The following LDB2 variants were observed in gnomAD, a reference collection of about 807,000 sequenced individuals.
LDB2 encodes the protein LIM domain binding 2, also known as LIM domain-binding protein 2.
A neutral mutation model predicts 44.3 loss-of-function variants in LDB2; 12 were observed. The ratio of observed to expected loss-of-function variants is 0.27; its 90% CI spans 0.17 to 0.44. The LOEUF (loss-of-function observed/expected upper bound fraction) is 0.44. Among genes scored for constraint, LDB2 ranks in the 20% least tolerant of loss-of-function variants. The pLI is 1.00. For synonymous variants in LDB2, 164 were observed against 174.8 expected (o/e 0.94, Z 0.49); for missense variants, 344 against 473.5 (o/e 0.73, Z 2.54).
At chr4:16,813,902 G>T (rs565178050) in intron 1 of LDB2, among the ~76,000 whole-genome samples, 2 of 149,548 alleles carry the variant, frequency 1.3e-5, no homozygotes, top group East Asian at 2.0e-4. Flanking sequence ...AGAGGAGTCT[G>T]GCTCTGTCGC....
At chr4:16,634,954 T>C (rs1166862419) in intron 2 of LDB2, among the ~76,000 whole-genome samples, 2 of 152,176 alleles carry the variant, frequency 1.3e-5, no homozygotes, top group Non-Finnish European at 2.9e-5. Context: ...TGGAATACTA[T>C]GCAGCCATAA....
intron 1 of LDB2, among the ~76,000 whole-genome samples, chr4:16,785,450 G>C (rs1774212929): frequency 6.6e-6 from 1 of 152,188 alleles, no homozygotes; most frequent in African/African-American, 2.4e-5. Flanking sequence ...GAGGACGGAT[G>C]CATCACTGTA....
At chr4:16,570,425 C>T (rs1436961487) in intron 5 of LDB2, among the ~76,000 whole-genome samples, 8 of 119,084 alleles carry the variant, frequency 6.7e-5, no homozygotes, top group African/African-American at 1.3e-4. Flanking sequence ...ATGGCGCCAC[C>T]ACACTCCAGC....
At chr4:16,535,504 A>T (rs1218597802) in intron 5 of LDB2, among the ~76,000 whole-genome samples, 1 of 152,214 alleles carries the variant, frequency 6.6e-6, no homozygotes, top group Non-Finnish European at 1.5e-5. Context: ...AAGCAGACAT[A>T]GTCCCTTCCT....
At chr4:16,602,907 T>A (rs946755051) in intron 2 of LDB2, among the ~76,000 whole-genome samples, 4 of 152,174 alleles carry the variant, frequency 2.6e-5, no homozygotes, top group Non-Finnish European at 5.9e-5. Flanking sequence ...CTCTCCTGTT[T>A]CCCCATTGTC....
chr4:16,756,019 A>G (rs1313276639), intron 2 of LDB2, among the ~76,000 whole-genome samples: 1 of 152,218 alleles, frequency 6.6e-6, no homozygotes, highest in Non-Finnish European at 1.5e-5. Context: ...AGGGCTTAAG[A>G]GATGGAGCAC....
At chr4:16,606,079 T>A (rs1272092034) in intron 2 of LDB2, among the ~76,000 whole-genome samples, 1 of 152,230 alleles carries the variant, frequency 6.6e-6, no homozygotes, top group African/African-American at 2.4e-5. Flanking sequence ...CACCTTTTTA[T>A]CAATGTTCCC....
At chr4:16,669,909 A>G (rs964653052) in intron 2 of LDB2, among the ~76,000 whole-genome samples, 4 of 152,224 alleles carry the variant, frequency 2.6e-5, no homozygotes, top group African/African-American at 9.6e-5. Context: ...GGTCCATCTC[A>G]TTGGACTGGT....
At position 16,533,558 on chromosome 4, in the gene LDB2, C is replaced by T. The variant is rs946597942; in HGVS notation, c.616-21454G>A. 2.6e-5 allele frequency among the ~76,000 whole-genome samples: 4 copies of T among 152,186 alleles called. No homozygotes were observed. Among genetic ancestry groups the T allele is most frequent in the African/African-American group, 9.7e-5 (4 of 41,438 alleles). On this transcript the variant is annotated intron_variant, in intron 5 of 7. Coordinates refer to ENST00000304523, the MANE Select transcript of LDB2 (RefSeq NM_001290.5). This position sits in a 1 kb window ranked among gnomAD's most constrained non-coding sequence, Gnocchi z 4.1. ...GGATGGTGTGTCCCTGCATTTGACTCTGAACATGGTTTTATTTTTGTCTAT... is the reference window on the plus strand; with the variant it reads ...GGATGGTGTGTCCCTGCATTTGACTTTGAACATGGTTTTATTTTTGTCTAT...
intron 2 of LDB2, among the ~76,000 whole-genome samples, chr4:16,611,977 C>T (rs576059780): frequency 1.3e-5 from 2 of 152,242 alleles, no homozygotes; most frequent in East Asian, 3.9e-4. Flanking sequence ...AAACACTCCT[C>T]AGCAAATGCA....
intron 1 of LDB2, among the ~76,000 whole-genome samples, chr4:16,795,083 G>A (rs932078229): frequency 6.6e-6 from 1 of 152,210 alleles, no homozygotes; most frequent in Non-Finnish European, 1.5e-5. Context: ...ATAGGATCTC[G>A]ATGGAGAGCC....
In LDB2 at chr4:16,641,480, C is replaced by G. The variant is rs111513439; in HGVS notation, c.236-45605G>C. On this transcript the variant is annotated intron_variant, in intron 2 of 7. Coordinates refer to ENST00000304523, the MANE Select transcript of LDB2 (RefSeq NM_001290.5). ...AGGAAGCATGGCATGGGTATCTTCT[C>G]TGCTTCCAGTAAGGGCCTCGGGGGG... Among the ~76,000 whole-genome samples, 62 of 152,258 alleles carry G rather than the reference C, an allele frequency of 4.1e-4. 1 individual carries two copies. Among genetic ancestry groups the G allele is most frequent in the African/African-American group, 1.4e-3 (58 of 41,548 alleles).
intron 5 of LDB2, among the ~76,000 whole-genome samples, chr4:16,545,979 A>G (rs570674766): frequency 3.3e-4 from 50 of 152,350 alleles, no homozygotes; most frequent in African/African-American, 1.2e-3. Flanking sequence ...TAATTGCAAC[A>G]GGGTAAGTCT....
intron 2 of LDB2, among the ~76,000 whole-genome samples, chr4:16,624,802 A>G (rs943867411): frequency 6.6e-6 from 1 of 152,250 alleles, no homozygotes; most frequent in African/African-American, 2.4e-5. Flanking sequence ...GATTGACACC[A>G]TTTTATGAAT....
At chr4:16,520,588 C>T (rs1010263069) in intron 5 of LDB2, among the ~76,000 whole-genome samples, 3 of 152,184 alleles carry the variant, frequency 2.0e-5, no homozygotes, top group African/African-American at 7.2e-5. Flanking sequence ...ATTGATTACT[C>T]ATGAAAGTTA....
chr4:16,625,243 C>A (rs1348287617), intron 2 of LDB2, among the ~76,000 whole-genome samples: 1 of 152,184 alleles, frequency 6.6e-6, no homozygotes, highest in Non-Finnish European at 1.5e-5. Flanking sequence ...AATCAGATAT[C>A]TCTCCCTTGC....
chr4:16,773,963 G>A (rs147325211), intron 1 of LDB2, among the ~76,000 whole-genome samples: 2,240 of 141,404 alleles, frequency 0.016, 59 homozygotes, highest in African/African-American at 0.057. Context: ...GACCATCCTG[G>A]CCAACACGGT....
chr4:16,604,356 A>C (rs1418300550), intron 2 of LDB2, among the ~76,000 whole-genome samples: 1 of 151,924 alleles, frequency 6.6e-6, no homozygotes. Flanking sequence ...TTCTAGGCAA[A>C]ATAATCCACT....
chr4:16,859,199 G>T (rs1180487596), intron 1 of LDB2, among the ~76,000 whole-genome samples: 2 of 152,180 alleles, frequency 1.3e-5, no homozygotes, highest in African/African-American at 4.8e-5. Flanking sequence ...ATCCCTGGGA[G>T]TCCTACTCCA....
Sources: allele counts gnomAD v4.1 joint callset (sites outside exome capture counted in the v4.1 genomes callset), GRCh38; gene constraint gnomAD v4.1.1; non-coding constraint Gnocchi (gnomAD v3.1); transcripts MANE v1.5; gene names NCBI Gene and HGNC (gene_info 2026-07-23, HGNC 2026-07-21).